Variants in WNK1 observed in about 807,000 individuals in gnomAD.
WNK1 encodes WNK lysine deficient protein kinase 1, also known as serine/threonine-protein kinase WNK1.
In WNK1, 38 loss-of-function variants were observed where a neutral mutation model predicts 222.8. That is an observed-to-expected ratio of 0.17 (90% CI 0.13 to 0.22). WNK1 has a LOEUF of 0.22. Among genes scored for constraint, WNK1 ranks in the 10% least tolerant of loss-of-function variants. The pLI, the probability that WNK1 is intolerant of heterozygous loss-of-function variation, is 1.00. For missense variants in WNK1, 2,348 were observed against 2,918.4 expected (o/e 0.80, Z 4.50); for synonymous variants, 1,090 against 1,092.9 (o/e 1.00, Z 0.05).
intron 1 of WNK1, among the ~76,000 whole-genome samples, chr12:768,913 G>A (rs566377154): frequency 2.0e-5 from 3 of 151,736 alleles, no homozygotes; most frequent in African/African-American, 7.3e-5. Context: ...AGGTTCAAGC[G>A]ATTCTTCTGC....
At chr12:798,576 A>G (rs1945560622) in intron 1 of WNK1, among the ~76,000 whole-genome samples, 1 of 152,150 alleles carries the variant, frequency 6.6e-6, no homozygotes, top group South Asian at 2.1e-4. Flanking sequence ...AGACTTTTCT[A>G]TCCTGCTGAT....
chr12:787,802 T>A (rs1944454914), intron 1 of WNK1, among the ~76,000 whole-genome samples: 1 of 152,104 alleles, frequency 6.6e-6, no homozygotes, highest in Admixed American at 6.6e-5. Context: ...AAAACTTAGA[T>A]GTTGTCATGG....
intron 1 of WNK1, among the ~76,000 whole-genome samples, chr12:779,227 G>C (rs1402236940): frequency 1.1e-4 from 17 of 152,044 alleles, no homozygotes; most frequent in African/African-American, 4.1e-4. Context: ...TAAATTTTTG[G>C]CAGTTATTTT....
intron 21 of WNK1, among the ~76,000 whole-genome samples, chr12:890,058 T>C (rs1296443285): frequency 6.6e-6 from 1 of 151,110 alleles, no homozygotes; most frequent in Non-Finnish European, 1.5e-5. Flanking sequence ...GTTCAAGTGA[T>C]TCTTCTACCT....
chr12:766,092 G>T (rs1313630091), intron 1 of WNK1, among the ~76,000 whole-genome samples: 1 of 152,124 alleles, frequency 6.6e-6, no homozygotes, highest in Non-Finnish European at 1.5e-5. Flanking sequence ...GAGACAATAA[G>T]TGTAGGCTGG....
chr12:864,721 C>A (rs1565540990), intron 8 of WNK1, among the ~76,000 whole-genome samples: 1 of 152,086 alleles, frequency 6.6e-6, no homozygotes. Context: ...TAATAGAATT[C>A]ATTCTTGTTG....
intron 1 of WNK1, among the ~76,000 whole-genome samples, chr12:771,561 A>C (rs528420351): frequency 6.6e-6 from 1 of 152,086 alleles, no homozygotes; most frequent in East Asian, 1.9e-4. Context: ...CAGCCTCCTG[A>C]GTAGCTGGGA....
chr12:845,130 C>T (rs891746252), intron 4 of WNK1, among the ~76,000 whole-genome samples: 37 of 151,628 alleles, frequency 2.4e-4, no homozygotes, highest in African/African-American at 8.5e-4. Flanking sequence ...CTCCTGACCT[C>T]GTGATCCGCC....
rs1955998605 is a variant in WNK1, at chr12:910,378, A to ATAATC, written c.*1589_*1593dup. 1.3e-5 allele frequency: 2 copies of ATAATC among 152,230 alleles called. No individual in the cohort carries two copies. The highest frequency in any genetic ancestry group is 4.8e-5 in the African/African-American group (2 of 41,470). 9.4% of individuals were successfully genotyped at this position (152,230 alleles called of 1,614,324 possible). On this transcript the variant is annotated 3_prime_UTR_variant, in exon 28 of 28. Coordinates refer to ENST00000315939, the MANE Select transcript of WNK1 (RefSeq NM_018979.4). The stretch of plus-strand genomic sequence containing the variant: ...ATGATGTCCAAATGGTTGCAGGATC[A>ATAATC]TAATCTATTGTGCCACCTTTATTTC...
At chr12:874,959 G>C (rs1452430668) in intron 9 of WNK1, among the ~76,000 whole-genome samples, 1 of 152,138 alleles carries the variant, frequency 6.6e-6, no homozygotes, top group Non-Finnish European at 1.5e-5. Flanking sequence ...TAGGAAAAAG[G>C]AGGCATTTGA....
intron 1 of WNK1, among the ~76,000 whole-genome samples, chr12:765,528 A>G (rs1941581518): frequency 6.7e-6 from 1 of 148,922 alleles, no homozygotes; most frequent in Admixed American, 6.7e-5. Context: ...AGCCTAGGTG[A>G]CAGAGCTATG....
rs149241367 is a variant in WNK1, at chr12:766,137, G to T, written c.759+11813G>T. On this transcript the variant is annotated intron_variant, in intron 1 of 27. Coordinates refer to ENST00000315939, the MANE Select transcript of WNK1 (RefSeq NM_018979.4). ...TGAAAAATTACATATTGGATACAAT[G>T]TTCACTATTTGGGTGATAAGGCGAT... 2.0e-5 allele frequency among the ~76,000 whole-genome samples: 3 copies of T among 152,210 alleles called. No individual in the cohort carries two copies. The East Asian group carries it at 5.8e-4, about 29-fold the overall frequency.
At chr12:762,564 C>G (rs1941168955) in intron 1 of WNK1, among the ~76,000 whole-genome samples, 1 of 146,938 alleles carries the variant, frequency 6.8e-6, no homozygotes, top group Non-Finnish European at 1.5e-5. Context: ...GGAGGGCGGA[C>G]TGTTCTTATG....
chr12:860,919 T>A, intron 6 of WNK1, 94 bp from the exon 7 acceptor site: 1 of 1,256,404 alleles, frequency 8.0e-7, no homozygotes. Flanking sequence ...CTACTTTTTT[T>A]ACAATGCCTT....
chr12:863,489 A>G (rs943789705), intron 8 of WNK1, among the ~76,000 whole-genome samples: 3 of 152,052 alleles, frequency 2.0e-5, no homozygotes, highest in Non-Finnish European at 2.9e-5. Context: ...ACTTGTCAGC[A>G]TTTCTTGTCA....
intron 10 of WNK1, among the ~76,000 whole-genome samples, chr12:878,678 C>A (rs937953766): frequency 6.6e-6 from 1 of 151,942 alleles, no homozygotes; most frequent in African/African-American, 2.4e-5. Flanking sequence ...GCTCTGGTAA[C>A]TGAACCTATG....
chr12:848,954 A>G (rs1950226762), intron 4 of WNK1, among the ~76,000 whole-genome samples: 1 of 152,138 alleles, frequency 6.6e-6, no homozygotes, highest in Non-Finnish European at 1.5e-5. Flanking sequence ...ATAGAGTTTT[A>G]AAACTACCCA....
chr12:876,418 G>A (rs911159935), intron 9 of WNK1, among the ~76,000 whole-genome samples: 3 of 151,946 alleles, frequency 2.0e-5, no homozygotes, highest in African/African-American at 7.3e-5. Context: ...CAAAAAAAAA[G>A]AATACATTAT....
chr12:762,373 A>G (rs1379262197), intron 1 of WNK1, among the ~76,000 whole-genome samples: 1 of 147,660 alleles, frequency 6.8e-6, no homozygotes, highest in Non-Finnish European at 1.5e-5. Context: ...GTCATCACTA[A>G]ATTACTTATA....
Sources: allele counts gnomAD v4.1 joint callset (sites outside exome capture counted in the v4.1 genomes callset), GRCh38; gene constraint gnomAD v4.1.1; transcripts MANE v1.5; gene names NCBI Gene and HGNC (gene_info 2026-07-23, HGNC 2026-07-21).